Variants in SEMA6D observed in about 807,000 individuals in gnomAD.
The protein encoded by SEMA6D is semaphorin 6D, also known as semaphorin-6D.
A neutral mutation model predicts 106.6 loss-of-function variants in SEMA6D; 35 were observed. That is an observed-to-expected ratio of 0.33 (90% CI 0.25 to 0.44). The LOEUF (loss-of-function observed/expected upper bound fraction) is 0.44. SEMA6D is among the 20% of genes least tolerant of loss of function. The pLI is 1.00. For missense variants in SEMA6D, 1,185 were observed against 1,345.9 expected, an observed-to-expected ratio of 0.88 and a Z score of 1.87; for synonymous variants, 499 against 487.7, an observed-to-expected ratio of 1.02 and a Z score of -0.31.
At chr15:47,341,402 C>A (rs2037807515) in intron 1 of SEMA6D, among the ~76,000 whole-genome samples, 2 of 151,932 alleles carry the variant, frequency 1.3e-5, no homozygotes, top group African/African-American at 4.8e-5. Flanking sequence ...AACAAACAGA[C>A]AAAATAAAAC....
chr15:47,762,373 G>A lies in SEMA6D; in HGVS notation c.658+54G>A, dbSNP rs748803249. 3.8e-6 allele frequency: 6 copies of A among 1,596,236 alleles called. No homozygotes were observed. In the Admixed American group the frequency reaches 1.0e-4, roughly 27 times the overall value. On this transcript the variant is annotated intron_variant, in intron 8 of 18. Transcript: ENST00000536845. ...CACCAGGATAGTGGATGGCCCAAGT[G>A]GGGACAGCAGCCACGGCCATCAAGA...
At chr15:47,634,420 T>C (rs2144582846) in intron 4 of SEMA6D, among the ~76,000 whole-genome samples, 1 of 152,158 alleles carries the variant, frequency 6.6e-6, no homozygotes, top group East Asian at 1.9e-4. Context: ...TCACACAACT[T>C]TGTTACTGCA....
At chr15:47,718,232 G>C (rs1052267828) in intron 1 of SEMA6D, among the ~76,000 whole-genome samples, 7 of 152,192 alleles carry the variant, frequency 4.6e-5, no homozygotes, top group Non-Finnish European at 7.3e-5. Flanking sequence ...GCCCCCTCCC[G>C]CCCGTTGGCC....
chr15:47,546,213 C>G (rs1208156556), intron 3 of SEMA6D, among the ~76,000 whole-genome samples: 4 of 152,058 alleles, frequency 2.6e-5, no homozygotes, highest in Non-Finnish European at 5.9e-5. Flanking sequence ...TAGTGTGAGG[C>G]AAGACAAGGA....
At chr15:47,562,941 A>G (rs1175358536) in intron 3 of SEMA6D, among the ~76,000 whole-genome samples, 1 of 152,190 alleles carries the variant, frequency 6.6e-6, no homozygotes, top group Non-Finnish European at 1.5e-5. Flanking sequence ...AATGTCCATC[A>G]ATTGACAAAT....
chr15:47,762,869 T>A, intron 8 of SEMA6D, 147 bp from the exon 9 acceptor site: 1 of 593,068 alleles, frequency 1.7e-6, no homozygotes. Flanking sequence ...ACACCCATAT[T>A]GGGACTCCTC....
intron 3 of SEMA6D, among the ~76,000 whole-genome samples, chr15:47,515,495 T>A (rs1185584481): frequency 6.6e-6 from 1 of 152,180 alleles, no homozygotes; most frequent in Non-Finnish European, 1.5e-5. Flanking sequence ...CTTGAATAAA[T>A]TGATGAATGC....
chr15:47,531,825 AAT>A (rs2044981848), intron 3 of SEMA6D, among the ~76,000 whole-genome samples: 1 of 152,188 alleles, frequency 6.6e-6, no homozygotes, highest in Non-Finnish European at 1.5e-5. Flanking sequence ...ATGAACTACC[AAT>A]TAGAGGTCAT....
chr15:47,330,532 C>T (rs983995959), intron 1 of SEMA6D, among the ~76,000 whole-genome samples: 2 of 152,130 alleles, frequency 1.3e-5, no homozygotes, highest in Admixed American at 6.6e-5. Context: ...TCAGGGCGTG[C>T]AGAGGTGAGG....
intron 4 of SEMA6D, among the ~76,000 whole-genome samples, chr15:47,702,639 G>A (rs1273174483): frequency 6.6e-6 from 1 of 152,090 alleles, no homozygotes; most frequent in African/African-American, 2.4e-5. Flanking sequence ...GTAGGTGAAT[G>A]GATAAACTAT....
At chr15:47,270,956 A>G (rs1166685859) in intron 1 of SEMA6D, among the ~76,000 whole-genome samples, 1 of 152,168 alleles carries the variant, frequency 6.6e-6, no homozygotes, top group Non-Finnish European at 1.5e-5. Flanking sequence ...AAAAAAAAAT[A>G]TAGATATAAC....
chr15:47,343,829 A>G (rs2037931372), intron 1 of SEMA6D, among the ~76,000 whole-genome samples: 1 of 152,142 alleles, frequency 6.6e-6, no homozygotes, highest in Non-Finnish European at 1.5e-5. Context: ...AAATTTTTGC[A>G]ACCTACTCAT....
intron 17 of SEMA6D, 141 bp downstream of exon 17, chr15:47,767,234 A>G: frequency 1.8e-6 from 1 of 555,464 alleles, no homozygotes; most frequent in South Asian, 2.9e-5. Flanking sequence ...TGATGGTACC[A>G]AAAGACTTTT....
upstream of SEMA6D, among the ~76,000 whole-genome samples, chr15:47,714,087 G>C (rs1217138315): frequency 6.6e-6 from 1 of 152,172 alleles, no homozygotes; most frequent in African/African-American, 2.4e-5. Context: ...CAGATGAGAA[G>C]ACTGAAGCAT....
chr15:47,483,499 ATCTT>A (rs1417862160), intron 3 of SEMA6D, among the ~76,000 whole-genome samples: 1 of 152,162 alleles, frequency 6.6e-6, no homozygotes, highest in East Asian at 1.9e-4. Context: ...TGAAGAGAGC[ATCTT>A]GCCTGGTTTT....
chr15:47,655,558 A>G (rs2145066095), intron 4 of SEMA6D, among the ~76,000 whole-genome samples: 1 of 152,374 alleles, frequency 6.6e-6, no homozygotes, highest in African/African-American at 2.4e-5. Context: ...CTTATTTTAA[A>G]TATTGCAATT....
intron 4 of SEMA6D, among the ~76,000 whole-genome samples, chr15:47,653,265 A>G (rs1292645753): frequency 6.6e-6 from 1 of 152,236 alleles, no homozygotes; most frequent in East Asian, 1.9e-4. Flanking sequence ...AGCTATTCGC[A>G]TGTAAGCATG....
chr15:47,243,497 A>T (rs2033036633), intron 1 of SEMA6D, among the ~76,000 whole-genome samples: 1 of 152,074 alleles, frequency 6.6e-6, no homozygotes, highest in African/African-American at 2.4e-5. Flanking sequence ...TAACTTGAAT[A>T]GTTACGTGGT....
At chr15:47,725,999 C>A (rs2146484883) in intron 1 of SEMA6D, among the ~76,000 whole-genome samples, 2 of 152,330 alleles carry the variant, frequency 1.3e-5, no homozygotes, top group East Asian at 3.9e-4. Context: ...TATACAAATT[C>A]AATGTTGGGA....
Sources: allele counts gnomAD v4.1 joint callset (sites outside exome capture counted in the v4.1 genomes callset), GRCh38; gene constraint gnomAD v4.1.1; transcripts MANE v1.5; gene names NCBI Gene and HGNC (gene_info 2026-07-23, HGNC 2026-07-21).